Variants in PPP6R3 observed in about 807,000 individuals in gnomAD.
The protein encoded by PPP6R3 is serine/threonine-protein phosphatase 6 regulatory subunit 3.
A neutral mutation model predicts 110.7 loss-of-function variants in PPP6R3; 38 were observed. The ratio of observed to expected loss-of-function variants is 0.34; its 90% CI spans 0.26 to 0.45. The LOEUF is 0.45. Ranked by LOEUF, PPP6R3 falls within the 20% of genes least tolerant of loss-of-function variation. The pLI, the probability that PPP6R3 is intolerant of heterozygous loss-of-function variation, is 1.00. For missense variants in PPP6R3, 870 were observed against 1,062.4 expected, an observed-to-expected ratio of 0.82 and a Z score of 2.52; for synonymous variants, 369 against 373.5, an observed-to-expected ratio of 0.99 and a Z score of 0.14.
intron 2 of PPP6R3, among the ~76,000 whole-genome samples, chr11:68,521,037 G>T (rs942220596): frequency 2.0e-5 from 3 of 152,160 alleles, no homozygotes; most frequent in Non-Finnish European, 2.9e-5. Flanking sequence ...CTCCCAAAGT[G>T]CTGGTATTAC....
At chr11:68,564,194 C>A in intron 8 of PPP6R3, 109 bp from the exon 9 acceptor site, 1 of 1,177,748 alleles carries the variant, frequency 8.5e-7, no homozygotes, top group Non-Finnish European at 1.2e-6. Context: ...CCTTTTTTCC[C>A]GCAGCCAGAA....
chr11:68,548,175 C>T lies in PPP6R3; in HGVS notation c.523C>T (p.Pro175Ser). 6.2e-7 allele frequency: 1 copy of T among 1,614,184 alleles called. No individual in the cohort carries two copies. Among genetic ancestry groups the T allele is most frequent in the Non-Finnish European group, 8.5e-7 (1 of 1,180,022 alleles). ...GCTCAGGCTCCTGACGTGTATCGAA[C>T]CTCCACAGCCCAGGCAAGATGTGCT... ...LLLRLLTCIEPPQPRQDVLNW... is the reference protein window; with the variant it reads ...LLLRLLTCIESPQPRQDVLNW... The change falls in exon 5 of 24, where the codon CCT (proline) becomes TCT (serine). Residue 175 changes from proline to serine, a missense_variant. Coordinates refer to ENST00000393800, the MANE Select transcript of PPP6R3 (RefSeq NM_001164161.2).
chr11:68,544,124 G>C (rs2153671859), intron 3 of PPP6R3, among the ~76,000 whole-genome samples: 1 of 152,280 alleles, frequency 6.6e-6, no homozygotes, highest in Non-Finnish European at 1.5e-5. Context: ...TTGACACAAG[G>C]TCTCACTCTT....
intron 1 of PPP6R3, among the ~76,000 whole-genome samples, chr11:68,477,737 AAAAAATAT>A (rs1467405501): frequency 1.9e-4 from 12 of 64,554 alleles, no homozygotes; most frequent in South Asian, 5.5e-4. Context: ...TTAAAAAAAA[AAAAAATAT>A]ATATATATAT....
chr11:68,594,379 G>T (rs2099606783), intron 18 of PPP6R3, among the ~76,000 whole-genome samples: 2 of 150,424 alleles, frequency 1.3e-5, no homozygotes, highest in Admixed American at 1.3e-4. Context: ...AAATATGACT[G>T]GGCATGGTGG....
intron 9 of PPP6R3, among the ~76,000 whole-genome samples, chr11:68,564,983 T>A (rs1452676614): frequency 6.6e-6 from 1 of 152,216 alleles, no homozygotes; most frequent in Admixed American, 6.5e-5. Context: ...CTTTCGCCCC[T>A]TGGATTGATA....
In PPP6R3 at chr11:68,468,017, G is replaced by A. The variant is rs571741672; in HGVS notation, c.-158+7190G>A. Among the ~76,000 whole-genome samples, 4 of 152,152 alleles carry A rather than the reference G, an allele frequency of 2.6e-5. No individual in the cohort carries two copies. The South Asian group carries it at 6.2e-4, about 24-fold the overall frequency. On this transcript the variant is annotated intron_variant, in intron 1 of 23. Coordinates refer to ENST00000393800, the MANE Select transcript of PPP6R3 (RefSeq NM_001164161.2). ...TCAAACTCCTGACCTCTAGTGATCC[G>A]CCCGTCTTGGCCTCCCAAAGTGTTG...
At chr11:68,491,379 T>TGTGTGTGTGTGTGTG (rs1491559108) in intron 1 of PPP6R3, among the ~76,000 whole-genome samples, 1 of 125,352 alleles carries the variant, frequency 8.0e-6, no homozygotes, top group Admixed American at 7.9e-5. Context: ...TGTGTGTGTG[T>TGTGTGTGTGTGTGTG]TTGAGACAGA....
chr11:68,501,976 T>A (rs1470224793), intron 1 of PPP6R3, among the ~76,000 whole-genome samples: 1 of 152,190 alleles, frequency 6.6e-6, no homozygotes, highest in Non-Finnish European at 1.5e-5. Context: ...AATGGAATGG[T>A]GTTATTCAAG....
At chr11:68,592,725 C>T (rs1281004080) in intron 18 of PPP6R3, among the ~76,000 whole-genome samples, 1 of 152,180 alleles carries the variant, frequency 6.6e-6, no homozygotes, top group Non-Finnish European at 1.5e-5. Flanking sequence ...CAGAGCCAGA[C>T]AGCAAAAGAA....
Position 68,463,355 on chromosome 11 carries a change from G to GAAAAAAAAAAAA in PPP6R3, c.-158+2539_-158+2550dup, listed in dbSNP as rs1156285158. ...GGAGACAGAGCGAGACTCAGTCTCA[G>GAAAAAAAAAAAA]AAAAAAAAAAAAAAAAAAAAAAGAT... On this transcript the variant is annotated intron_variant, in intron 1 of 23. Coordinates refer to ENST00000393800, the MANE Select transcript of PPP6R3 (RefSeq NM_001164161.2). Among the ~76,000 whole-genome samples the GAAAAAAAAAAAA allele has an allele frequency of 2.8e-3, 152 of 54,600 alleles. 10 individuals carry two copies. Among genetic ancestry groups the GAAAAAAAAAAAA allele is most frequent in the East Asian group, 6.5e-3 (10 of 1,548 alleles). The allele number at this position is 54,600 out of a possible 152,430, so 35.8% of individuals were successfully genotyped here. A position where few individuals can be genotyped will look rare whatever the true frequency, so the allele number is the denominator to read the frequency against.
chr11:68,550,991 G>T lies in PPP6R3; in HGVS notation c.553-130G>T. 9.1e-6 allele frequency: 6 copies of T among 659,306 alleles called. No homozygotes were observed. In the South Asian group the frequency reaches 1.4e-4, roughly 15 times the overall value. The allele number at this position is 659,306 out of a possible 1,614,324, so 40.8% of individuals were successfully genotyped here. On this transcript the variant is annotated intron_variant, in intron 5 of 23. Transcript: ENST00000393800. ...TGGGGGACTTTTAATTTTCTGTAGT[G>T]TTCAAAGTCCAGAGAAACCTGTAAC...
intron 9 of PPP6R3, among the ~76,000 whole-genome samples, chr11:68,565,092 C>CT (rs36020308): frequency 1.3e-5 from 2 of 150,086 alleles, no homozygotes. Flanking sequence ...CTTAAGTTTC[C>CT]TTTTTTTTCC....
chr11:68,468,605 A>G (rs1467661526), intron 1 of PPP6R3, among the ~76,000 whole-genome samples: 1 of 152,206 alleles, frequency 6.6e-6, no homozygotes, highest in Non-Finnish European at 1.5e-5. Context: ...GTATTATAGG[A>G]TCATAGAGAG....
intron 1 of PPP6R3, among the ~76,000 whole-genome samples, chr11:68,509,834 T>C (rs890568009): frequency 4.3e-5 from 6 of 139,130 alleles, no homozygotes; most frequent in Admixed American, 1.6e-4. Flanking sequence ...ACTGCAACCC[T>C]TGCCACCTGG....
chr11:68,531,307 T>TTTTA (rs67798708), intron 2 of PPP6R3, among the ~76,000 whole-genome samples: 66,816 of 136,686 alleles, frequency 0.49, 16,678 homozygotes, highest in South Asian at 0.53. Flanking sequence ...TGAGACTGTG[T>TTTTA]TTTATTTATT....
intron 3 of PPP6R3, among the ~76,000 whole-genome samples, chr11:68,543,664 G>A (rs149687539): frequency 1.2e-3 from 179 of 152,266 alleles, no homozygotes; most frequent in Non-Finnish European, 2.3e-3. Flanking sequence ...TGGCTATTTT[G>A]CCATCTCTCT....
chr11:68,550,968 G>C (rs1225105536), intron 5 of PPP6R3, 153 bp from the exon 6 acceptor site: 4 of 569,962 alleles, frequency 7.0e-6, no homozygotes, highest in Non-Finnish European at 9.1e-6. Flanking sequence ...ATTTTCCTTG[G>C]GGGACTTTTA....
Position 68,591,655 on chromosome 11 carries a change from T to C in PPP6R3, c.1865T>C (p.Ile622Thr), listed in dbSNP as rs780112608. 12 of 1,613,362 alleles carry C rather than the reference T, an allele frequency of 7.4e-6. No individual in the cohort carries two copies. The highest frequency in any genetic ancestry group is 1.6e-4 in the Middle Eastern group (1 of 6,082). Residue 622 changes from isoleucine (I) to threonine (T), a missense_variant, in exon 18 of 24, where the codon ATA (isoleucine) becomes ACA (threonine). Coordinates refer to ENST00000393800, the MANE Select transcript of PPP6R3 (RefSeq NM_001164161.2). ...FDDGGSDEEDIWEEKHIAFTP... is the reference protein window; with the variant it reads ...FDDGGSDEEDTWEEKHIAFTP... ...GATGGTGGCTCTGATGAGGAAGATA[T>C]ATGGGAGGAAAAGCACATCGCATTC... is the stretch of plus-strand genomic sequence containing the variant.
Sources: allele counts gnomAD v4.1 joint callset (sites outside exome capture counted in the v4.1 genomes callset), GRCh38; gene constraint gnomAD v4.1.1; transcripts MANE v1.5; gene names NCBI Gene and HGNC (gene_info 2026-07-23, HGNC 2026-07-21).